The following CEP85L variants were observed in gnomAD, a reference collection of about 807,000 sequenced individuals.
CEP85L encodes the protein centrosomal protein of 85 kDa-like.
Under a neutral mutation model 100.3 loss-of-function variants are expected in CEP85L, and 60 were observed. The observed-to-expected ratio is 0.60, with a 90% CI of 0.49 to 0.74. The LOEUF (loss-of-function observed/expected upper bound fraction) is 0.74, where lower values mean the gene tolerates loss of function less well. CEP85L is among the 30% of genes least tolerant of loss of function. The probability of loss-of-function intolerance (pLI) is 0.00; values close to 1 mark genes in which losing one functional copy is unlikely to be tolerated. For missense variants in CEP85L, 973 were observed against 936.2 expected, an observed-to-expected ratio of 1.04 and a Z score of -0.51; for synonymous variants, 319 against 322.7, an observed-to-expected ratio of 0.99 and a Z score of 0.12.
chr6:118,596,434 G>A (rs1017397401), intron 2 of CEP85L, among the ~76,000 whole-genome samples: 1 of 152,016 alleles, frequency 6.6e-6, no homozygotes, highest in Admixed American at 6.6e-5. Context: ...ACAAGACTCA[G>A]GACTTGGTAA....
chr6:118,620,111 A>G (rs1418516856), intron 2 of CEP85L, among the ~76,000 whole-genome samples: 2 of 152,200 alleles, frequency 1.3e-5, no homozygotes, highest in Admixed American at 6.5e-5. Flanking sequence ...AAAACCCCTC[A>G]GCTTTTCTAG....
intron 2 of CEP85L, among the ~76,000 whole-genome samples, chr6:118,596,131 G>GA (rs550740438): frequency 6.6e-6 from 1 of 151,866 alleles, no homozygotes; most frequent in Non-Finnish European, 1.5e-5. Context: ...TTATAAATGA[G>GA]AAAAAAATGA....
chr6:118,643,599 T>A (rs1461274330), intron 1 of CEP85L, among the ~76,000 whole-genome samples: 1 of 152,226 alleles, frequency 6.6e-6, no homozygotes, highest in Non-Finnish European at 1.5e-5. Flanking sequence ...ACATTAACTC[T>A]CTTTAAAGGA....
upstream of CEP85L, among the ~76,000 whole-genome samples, chr6:118,655,735 A>G (rs1313764523): frequency 3.9e-5 from 6 of 152,228 alleles, no homozygotes; most frequent in East Asian, 1.2e-3. Flanking sequence ...TACTCAGTGG[A>G]AAAGGGGATT....
intron 3 of CEP85L, among the ~76,000 whole-genome samples, chr6:118,562,090 T>C (rs895841775): frequency 6.6e-6 from 1 of 152,164 alleles, no homozygotes; most frequent in African/African-American, 2.4e-5. Flanking sequence ...AAAACAGGTA[T>C]ATAAAAGTCC....
At chr6:118,491,238 CATAT>C (rs1269082342) in intron 6 of CEP85L, among the ~76,000 whole-genome samples, 28 of 124,058 alleles carry the variant, frequency 2.3e-4, no homozygotes, top group Non-Finnish European at 3.5e-4. Context: ...CACACACACA[CATAT>C]GCATGCATAT....
chr6:118,541,339 G>A (rs1777894330), intron 3 of CEP85L, among the ~76,000 whole-genome samples: 1 of 152,168 alleles, frequency 6.6e-6, no homozygotes, highest in Non-Finnish European at 1.5e-5. Context: ...ATGAAGTATG[G>A]CTTTCCTGAA....
intron 12 of CEP85L, among the ~76,000 whole-genome samples, chr6:118,466,029 AG>A (rs1772492731): frequency 6.6e-6 from 1 of 152,112 alleles, no homozygotes; most frequent in African/African-American, 2.4e-5. Flanking sequence ...ACACACACAG[AG>A]GGAGAGCGGG....
In CEP85L at chr6:118,568,552, C is replaced by T. The variant is rs566146359; in HGVS notation, c.233-2236G>A. Among the ~76,000 whole-genome samples the T allele has an allele frequency of 1.1e-4, 17 of 152,290 alleles. No individual in the cohort carries two copies. In the South Asian group the frequency reaches 3.3e-3, roughly 30 times the overall value. The stretch of plus-strand genomic sequence containing the variant: ...AAAGGTGAAGCAGAATTATACACAT[C>T]TTCAAACGCTCTGCTAAGTAAAGAG... On this transcript the variant is annotated intron_variant, in intron 2 of 12. Transcript: ENST00000368491.
chr6:118,520,617 G>A (rs898158809), intron 4 of CEP85L, among the ~76,000 whole-genome samples: 9 of 152,040 alleles, frequency 5.9e-5, no homozygotes, highest in African/African-American at 1.9e-4. Context: ...ACCCTATAGT[G>A]CAACAGAACA....
chr6:118,582,674 CTA>C (rs1451444808), intron 2 of CEP85L, among the ~76,000 whole-genome samples: 1 of 152,196 alleles, frequency 6.6e-6, no homozygotes, highest in Non-Finnish European at 1.5e-5. Context: ...TTACTCTAAA[CTA>C]TCTATGATAG....
At chr6:118,473,324 G>A (rs1773106424) in intron 10 of CEP85L, among the ~76,000 whole-genome samples, 1 of 152,142 alleles carries the variant, frequency 6.6e-6, no homozygotes, top group Non-Finnish European at 1.5e-5. Context: ...TAAGGGTCAG[G>A]AGACTGAAAT....
At chr6:118,558,692 G>A in intron 3 of CEP85L, 1 of 550,582 alleles carries the variant, frequency 1.8e-6, no homozygotes, top group South Asian at 2.0e-5. Context: ...GAGAGAGGGA[G>A]AGAGACTATA....
intron 2 of CEP85L, among the ~76,000 whole-genome samples, chr6:118,611,901 AG>A (rs61239992): frequency 0.35 from 53,498 of 152,034 alleles, 10,439 homozygotes; most frequent in Non-Finnish European, 0.46. Flanking sequence ...TTATATTTGT[AG>A]ACTTTCAAAC....
chr6:118,557,895 G>A (rs554711272), intron 3 of CEP85L, among the ~76,000 whole-genome samples: 19 of 151,374 alleles, frequency 1.3e-4, no homozygotes, highest in African/African-American at 3.4e-4. Flanking sequence ...ATGATTCCAT[G>A]TTTTTAATAG....
intron 5 of CEP85L, among the ~76,000 whole-genome samples, chr6:118,499,551 C>T (rs1261612818): frequency 1.3e-5 from 2 of 152,020 alleles, no homozygotes; most frequent in Non-Finnish European, 2.9e-5. Flanking sequence ...GTAGTCCTAG[C>T]TACTCGGGAG....
rs998205417 is a variant in CEP85L at position 118,563,209 on chromosome 6, A to G, written c.1020+2320T>C. ...TCATTCACAAAGGAAAATGATTCAGAGTACTACACTCCTGCACTCTTGATG... is the reference window on the plus strand; with the variant it reads ...TCATTCACAAAGGAAAATGATTCAGGGTACTACACTCCTGCACTCTTGATG... On this transcript the variant is annotated intron_variant, in intron 3 of 12. Transcript: ENST00000368491. Among the ~76,000 whole-genome samples the G allele has an allele frequency of 3.3e-5, 5 of 152,246 alleles. 1 individual carries two copies. In the East Asian group the frequency reaches 9.6e-4, roughly 29 times the overall value.
At chr6:118,650,181 A>G (rs1437712875) in intron 1 of CEP85L, among the ~76,000 whole-genome samples, 1 of 152,236 alleles carries the variant, frequency 6.6e-6, no homozygotes, top group Non-Finnish European at 1.5e-5. Context: ...GGAGTCCCAG[A>G]AACAGCTAAA....
intron 2 of CEP85L, among the ~76,000 whole-genome samples, chr6:118,573,411 C>T (rs1780026037): frequency 6.6e-6 from 1 of 152,106 alleles, no homozygotes; most frequent in South Asian, 2.1e-4. Flanking sequence ...GAAAGAACTG[C>T]TAAAGTTCCT....
Sources: allele counts gnomAD v4.1 joint callset (sites outside exome capture counted in the v4.1 genomes callset), GRCh38; gene constraint gnomAD v4.1.1; transcripts MANE v1.5; gene names NCBI Gene and HGNC (gene_info 2026-07-23, HGNC 2026-07-21).